The following EIF1AX variants were observed in gnomAD, a reference collection of about 807,000 sequenced individuals.
EIF1AX encodes the protein eukaryotic translation initiation factor 1A, X-chromosomal.
EIF1AX carries 1 observed loss-of-function variant against 16.1 expected under a neutral mutation model. The observed-to-expected ratio is 0.06, with a 90% CI of 0.02 to 0.30. The LOEUF (loss-of-function observed/expected upper bound fraction) is 0.30. EIF1AX is among the 10% of genes least tolerant of loss of function. The pLI is 1.00. For synonymous variants in EIF1AX, 32 were observed against 37.3 expected (o/e 0.86, Z 0.51); for missense variants, 11 against 109.1 (o/e 0.10, Z 4.00).
intron 2 of EIF1AX, 22 bp from the exon 3 acceptor site, chrX:20,135,863 G>C (rs369630362): frequency 1.6e-5 from 18 of 1,095,729 alleles, no homozygotes; most frequent in Non-Finnish European, 2.1e-5. Flanking sequence ...AAAGGAAAAG[G>C]GTATGGAATA....
intron 4 of EIF1AX, among the ~76,000 whole-genome samples, chrX:20,132,673 T>G (rs1218193667): frequency 8.9e-6 from 1 of 112,081 alleles, no homozygotes; most frequent in Non-Finnish European, 1.9e-5. Flanking sequence ...CTAAGGAAAT[T>G]ATACCTTTCT....
rs1216120263 is a variant in EIF1AX at position 20,126,671 on chromosome X, G to T, written c.*1635C>A. The T allele has an allele frequency of 7.6e-6, 1 of 131,614 alleles. No homozygotes were observed. Among genetic ancestry groups the T allele is most frequent in the Non-Finnish European group, 1.5e-5 (1 of 66,353 alleles). The allele number at this position is 131,614 out of a possible 1,213,427, so 10.8% of individuals were successfully genotyped here. A position where few individuals can be genotyped will look rare whatever the true frequency, so the allele number is the denominator to read the frequency against. On this transcript the variant is annotated 3_prime_UTR_variant, in exon 7 of 7. Transcript: ENST00000379607. Reference sequence around the variant, plus strand: ...AGGAGGTTTAGAATACCAATGAAGAGAATTGTTAATTCTTCAAGGCTGGTT... The same window carrying T: ...AGGAGGTTTAGAATACCAATGAAGATAATTGTTAATTCTTCAAGGCTGGTT...
chrX:20,126,728 T>C lies in EIF1AX; in HGVS notation c.*1578A>G, dbSNP rs909052347. The C allele has an allele frequency of 2.2e-5, 3 of 138,230 alleles. No individual in the cohort carries two copies. Among genetic ancestry groups the C allele is most frequent in the African/African-American group, 9.6e-5 (3 of 31,315 alleles). 11.4% of individuals were successfully genotyped at this position (138,230 alleles called of 1,213,427 possible). ...GAGGATTAAAAACCAGCCCTTAGTC[T>C]CAGATGCATTCCACCTAGATGTGTT... On this transcript the variant is annotated 3_prime_UTR_variant, in exon 7 of 7. Transcript: ENST00000379607.
chrX:20,130,766 G>A (rs1423556998), intron 5 of EIF1AX, among the ~76,000 whole-genome samples, 159 bp from the exon 6 acceptor site: 1 of 112,283 alleles, frequency 8.9e-6, no homozygotes, highest in Non-Finnish European at 1.9e-5. Context: ...GAGTATCTGT[G>A]TTACCATTTT....
At chrX:20,133,352 C>T (rs903445144) in intron 4 of EIF1AX, among the ~76,000 whole-genome samples, 11 of 111,161 alleles carry the variant, frequency 9.9e-5, no homozygotes, top group African/African-American at 3.6e-4. Context: ...CCTGTGCCCA[C>T]CCCAGCCTCT....
intron 2 of EIF1AX, among the ~76,000 whole-genome samples, chrX:20,138,298 C>T (rs1181898555): frequency 9.1e-6 from 1 of 109,686 alleles, no homozygotes; most frequent in Non-Finnish European, 1.9e-5. Flanking sequence ...CCACTGCGCC[C>T]AGCCTAAAAA....
intron 2 of EIF1AX, among the ~76,000 whole-genome samples, chrX:20,138,189 G>C (rs1171150024): frequency 9.2e-6 from 1 of 108,210 alleles, no homozygotes. Flanking sequence ...AATTTTAGTA[G>C]AGACGGGGTT....
At chrX:20,135,640 G>T in intron 3 of EIF1AX, 98 bp downstream of exon 3, 1 of 577,449 alleles carries the variant, frequency 1.7e-6, no homozygotes, top group Non-Finnish European at 2.9e-6. Flanking sequence ...TAAGTCTTTT[G>T]GGAATTTCCA....
rs370190276 is a variant in EIF1AX at position 20,135,479 on chromosome X, G to A, written c.204+259C>T. On this transcript the variant is annotated intron_variant, in intron 3 of 6. Coordinates refer to ENST00000379607, the MANE Select transcript of EIF1AX (RefSeq NM_001412.4). ...AGACAAGGAAAAAAAAAACTGGGCC[G>A]TTTGTTTTTGCAGAATGTCTCTCAA... Among the ~76,000 whole-genome samples, 16 of 111,109 alleles carry A rather than the reference G, an allele frequency of 1.4e-4. No individual in the cohort carries two copies. In the South Asian group the frequency reaches 2.6e-3, roughly 18 times the overall value.
At chrX:20,136,849 A>G (rs1393921847) in intron 2 of EIF1AX, among the ~76,000 whole-genome samples, 1 of 111,867 alleles carries the variant, frequency 8.9e-6, no homozygotes, top group Non-Finnish European at 1.9e-5. Context: ...TTTAGAGGCA[A>G]GGATGACCAA....
chrX:20,141,167 T>C (rs1362097664), intron 1 of EIF1AX, among the ~76,000 whole-genome samples: 1 of 111,681 alleles, frequency 9.0e-6, no homozygotes, highest in East Asian at 2.8e-4. Context: ...AATACTGAAC[T>C]GTCCATAAAG....
At chrX:20,137,819 C>G (rs1569174585) in intron 2 of EIF1AX, among the ~76,000 whole-genome samples, 1 of 110,398 alleles carries the variant, frequency 9.1e-6, no homozygotes, top group African/African-American at 3.3e-5. Flanking sequence ...ACCAGAAATG[C>G]TAATCATAGA....
At chrX:20,136,923 G>T (rs1419929826) in intron 2 of EIF1AX, among the ~76,000 whole-genome samples, 4 of 111,350 alleles carry the variant, frequency 3.6e-5, no homozygotes, top group African/African-American at 1.3e-4. Context: ...TTATATGTAT[G>T]GCGTAATAAA....
In EIF1AX at chrX:20,128,163, A is replaced by C. The variant is rs1227412926; in HGVS notation, c.*143T>G. On this transcript the variant is annotated 3_prime_UTR_variant, in exon 7 of 7. Coordinates refer to ENST00000379607, the MANE Select transcript of EIF1AX (RefSeq NM_001412.4). ...CAGCATTATTATCAGTTTTAAAAAA[A>C]CCAAAAATATCTTAGAAACAAATCA... The C allele has an allele frequency of 1.8e-6, 1 of 550,230 alleles. No homozygotes were observed. The highest frequency in any genetic ancestry group is 3.7e-5 in the East Asian group (1 of 26,730). The allele number at this position is 550,230 out of a possible 1,213,427, so 45.3% of individuals were successfully genotyped here.
intron 6 of EIF1AX, among the ~76,000 whole-genome samples, chrX:20,128,969 G>A (rs922237503): frequency 2.8e-5 from 3 of 107,921 alleles, no homozygotes; most frequent in Admixed American, 1.0e-4. Flanking sequence ...TTCTACCCCT[G>A]CTCAGATGTC....
chrX:20,138,049 G>GGCT (rs1203785409), intron 2 of EIF1AX, among the ~76,000 whole-genome samples: 9 of 90,610 alleles, frequency 9.9e-5, no homozygotes, highest in African/African-American at 4.1e-4. Context: ...CTGTCACCCA[G>GGCT]GCTGGAGTGC....
chrX:20,133,991 G>A lies in EIF1AX; in HGVS notation c.221C>T (p.Ser74Leu), dbSNP rs2148607824. The A allele has an allele frequency of 8.3e-7, 1 of 1,201,041 alleles. No individual in the cohort carries two copies. The highest frequency in any genetic ancestry group is 1.1e-6 in the Non-Finnish European group (1 of 890,576). Reference protein sequence around the residue: ...KLRKKVWINTSDIILVGLRDY... With the variant: ...KLRKKVWINTLDIILVGLRDY... The stretch of plus-strand genomic sequence containing the variant: ...TCGGAGACCAACCAAAATAATGTCC[G>A]AGGTATTTATCCAAACCTACAAAAG... Residue 74 changes from serine to leucine, a missense_variant, in exon 4 of 7, where the codon TCG becomes TTG. Coordinates refer to ENST00000379607, the MANE Select transcript of EIF1AX (RefSeq NM_001412.4).
At chrX:20,131,080 A>G (rs1454091504) in intron 5 of EIF1AX, among the ~76,000 whole-genome samples, 1 of 112,087 alleles carries the variant, frequency 8.9e-6, no homozygotes, top group African/African-American at 3.2e-5. Context: ...TAAGTAAAAT[A>G]TAACAAAATT....
intron 4 of EIF1AX, 107 bp from the exon 5 acceptor site, chrX:20,132,370 T>C (rs2067003927): frequency 9.4e-6 from 5 of 529,791 alleles, no homozygotes; most frequent in Non-Finnish European, 1.5e-5. Context: ...CGTTTTACTA[T>C]AAATCTTTCT....
Sources: allele counts gnomAD v4.1 joint callset (sites outside exome capture counted in the v4.1 genomes callset), GRCh38; gene constraint gnomAD v4.1.1; transcripts MANE v1.5; gene names NCBI Gene and HGNC (gene_info 2026-07-23, HGNC 2026-07-21).